The following FHAD1 variants were observed in gnomAD, a reference collection of about 807,000 sequenced individuals.
FHAD1 encodes forkhead-associated domain-containing protein 1.
FHAD1 carries 146 observed loss-of-function variants against 191.3 expected under a neutral mutation model. That is an observed-to-expected ratio of 0.76 (90% confidence interval 0.67 to 0.88). The LOEUF is 0.88. Among genes scored for constraint, FHAD1 ranks in the 40% least tolerant of loss-of-function variants. FHAD1 has a pLI of 0.00. For synonymous variants in FHAD1, 616 were observed against 672.3 expected (o/e 0.92, Z 1.29); for missense variants, 1,635 against 1,785.8 (o/e 0.92, Z 1.52).
chr1:15,362,858 C>T, intron 23 of FHAD1, 132 bp downstream of exon 23: 2 of 689,832 alleles, frequency 2.9e-6, no homozygotes, highest in Admixed American at 2.2e-5. Context: ...GCTGCCTTCC[C>T]AGTGCTGCTT....
At chr1:15,378,661 A>G (rs951205536) in intron 28 of FHAD1, among the ~76,000 whole-genome samples, 1 of 152,248 alleles carries the variant, frequency 6.6e-6, no homozygotes, top group Admixed American at 6.5e-5. Context: ...TCATAGATAG[A>G]TAAATGTGTC....
At chr1:15,334,198 T>G (rs937118804) in intron 14 of FHAD1, 1 of 152,156 alleles carries the variant, frequency 6.6e-6, no homozygotes, top group Non-Finnish European at 1.5e-5. Flanking sequence ...GCTGGTACAT[T>G]AGGGTTAAGA....
In FHAD1 at chr1:15,378,042, G is replaced by A. The variant is rs143799945; in HGVS notation, c.3705+2312G>A. ...CTTCAGGCCAGGCACGGTGGCTCAC[G>A]CCTGTAATCCCAACACTTTGGGAGG... On this transcript the variant is annotated intron_variant, in intron 28 of 33. Coordinates refer to ENST00000688493, the MANE Select transcript of FHAD1 (RefSeq NM_001391957.1). 5.4e-3 allele frequency among the ~76,000 whole-genome samples: 818 copies of A among 152,224 alleles called. 6 individuals are homozygous for A. Among genetic ancestry groups the A allele is most frequent in the African/African-American group, 0.019 (779 of 41,522 alleles).
At chr1:15,391,131 G>C (rs1570631728) in intron 32 of FHAD1, 79 bp from the exon 33 acceptor site, 2 of 802,888 alleles carry the variant, frequency 2.5e-6, no homozygotes, top group East Asian at 1.6e-4. Flanking sequence ...TAAAAGTGGA[G>C]AAAAATCCAT....
intron 5 of FHAD1, among the ~76,000 whole-genome samples, chr1:15,299,653 C>T (rs16851569): frequency 0.088 from 13,434 of 152,230 alleles, 1,852 homozygotes; most frequent in African/African-American, 0.29. Flanking sequence ...CACAGGGTCC[C>T]CACCAGAAAG....
chr1:15,256,194 C>T (rs773360864), intron 2 of FHAD1, among the ~76,000 whole-genome samples: 4 of 152,190 alleles, frequency 2.6e-5, no homozygotes, highest in South Asian at 2.1e-4. Context: ...TCTTCCAGAA[C>T]GCAGCAATGT....
chr1:15,240,897 C>T (rs1448935722), intron 1 of FHAD1, among the ~76,000 whole-genome samples: 1 of 144,512 alleles, frequency 6.9e-6, no homozygotes, highest in Non-Finnish European at 1.5e-5. Context: ...GCAGAGGTTG[C>T]AGTGAGCCAA....
intron 14 of FHAD1, chr1:15,334,655 T>C (rs1574471371): frequency 2.0e-5 from 3 of 152,370 alleles, no homozygotes; most frequent in South Asian, 4.1e-4. Flanking sequence ...TGGTCACAGT[T>C]AGCTCGTAAT....
chr1:15,344,228 C>T (rs191783239), intron 16 of FHAD1, among the ~76,000 whole-genome samples: 2 of 152,344 alleles, frequency 1.3e-5, no homozygotes, highest in East Asian at 1.9e-4. Flanking sequence ...AATGAGCCTT[C>T]CTTAGACCTT....
At chr1:15,308,164 C>A (rs1671111905) in intron 6 of FHAD1, among the ~76,000 whole-genome samples, 1 of 152,186 alleles carries the variant, frequency 6.6e-6, no homozygotes, top group Admixed American at 6.5e-5. Context: ...TGTGAGTGGG[C>A]TTTGTAGGTT....
Position 15,289,410 on chromosome 1 carries a change from A to G in FHAD1, c.312A>G (p.Pro104=), listed in dbSNP as rs542248223. The change falls in exon 4 of 34, where the codon CCA becomes CCG. Residue 104 remains proline, a synonymous_variant. Transcript: ENST00000688493. The surrounding 1 kb of genome is among the most constrained non-coding windows in gnomAD (Gnocchi z 4.2). ...GTCTGCCCCTGCAGGTCTCTTTCCC[A>G]TGGATGAGGGGCCCAGCACCATGGC... The part of the protein sequence containing the change: ...VIENPPPVSF[P]WMRGPAPWPG... 5 of 1,551,574 alleles carry G rather than the reference A, an allele frequency of 3.2e-6. No homozygotes were observed. In the South Asian group the frequency reaches 4.8e-5, roughly 15 times the overall value.
At chr1:15,336,238 G>C (rs1684029003) in intron 14 of FHAD1, among the ~76,000 whole-genome samples, 2 of 152,134 alleles carry the variant, frequency 1.3e-5, no homozygotes, top group South Asian at 2.1e-4. Context: ...TTCCTTACCA[G>C]GTTGTTTATA....
At chr1:15,330,983 G>C (rs1681076288) in intron 14 of FHAD1, among the ~76,000 whole-genome samples, 1 of 152,090 alleles carries the variant, frequency 6.6e-6, no homozygotes. Context: ...GGCAGGGTGG[G>C]GATGGAGAAA....
intron 33 of FHAD1, among the ~76,000 whole-genome samples, chr1:15,395,921 G>A (rs932904525): frequency 6.6e-6 from 1 of 152,112 alleles, no homozygotes; most frequent in Admixed American, 6.5e-5. Flanking sequence ...AGCCATCAGA[G>A]ACTTTAGACA....
chr1:15,322,958 A>C (rs147143620), intron 10 of FHAD1, among the ~76,000 whole-genome samples: 35 of 152,274 alleles, frequency 2.3e-4, no homozygotes, highest in Non-Finnish European at 4.3e-4. Flanking sequence ...GGCGAAAGGC[A>C]CTTCTTACAT....
chr1:15,348,922 T>C (rs1009402663), intron 18 of FHAD1, 120 bp from the exon 19 acceptor site: 7 of 695,248 alleles, frequency 1.0e-5, no homozygotes, highest in Admixed American at 8.4e-5. Context: ...GTGTATTTAA[T>C]AGCCGCCCCA....
At position 15,380,788 on chromosome 1, in the gene FHAD1, G is replaced by T; in HGVS notation, c.3793G>T (p.Glu1265Ter). The T allele has an allele frequency of 6.4e-7, 1 of 1,551,556 alleles. No homozygotes were observed. The highest frequency in any genetic ancestry group is 1.2e-5 in the South Asian group (1 of 84,052). ...MDVAEALELS[E>*]KLYLDMSKTL... is the part of the protein sequence containing the mutation. ...TGTGGCTGAGGCTTTAGAGCTCAGTGAAAAGCTGGTATGTACATCCAGCAT... is the reference window on the plus strand; with the variant it reads ...TGTGGCTGAGGCTTTAGAGCTCAGTTAAAAGCTGGTATGTACATCCAGCAT... Residue 1265 changes from glutamate (E) to a stop codon, truncating the protein, a stop_gained, in exon 29 of 34, where the codon GAA (glutamate) becomes TAA (stop). Transcript: ENST00000688493. LOFTEE classifies it high-confidence loss of function.
At chr1:15,295,475 G>T (rs1666615968) in intron 4 of FHAD1, among the ~76,000 whole-genome samples, 1 of 152,124 alleles carries the variant, frequency 6.6e-6, no homozygotes, top group South Asian at 2.1e-4. Flanking sequence ...AAGCACGGTA[G>T]CATGCACCTG....
intron 26 of FHAD1, among the ~76,000 whole-genome samples, chr1:15,372,437 C>T (rs1026602983): frequency 1.3e-5 from 2 of 152,156 alleles, no homozygotes; most frequent in African/African-American, 4.8e-5. Context: ...GTTCTTTTCC[C>T]GGAGCACTTA....
Sources: gnomAD v4.1 joint callset for allele counts (sites outside exome capture counted in the v4.1 genomes callset) on GRCh38, gnomAD v4.1.1 for gene constraint, Gnocchi (gnomAD v3.1) non-coding constraint, MANE v1.5 for transcripts, NCBI Gene and HGNC (gene_info 2026-07-23, HGNC 2026-07-21) for gene names.